The following ANO2 variants were observed in gnomAD, a reference collection of about 807,000 sequenced individuals.
ANO2 encodes anoctamin 2.
Under a neutral mutation model 124.2 loss-of-function variants are expected in ANO2, and 101 were observed. The ratio of observed to expected loss-of-function variants is 0.81; its 90% confidence interval spans 0.69 to 0.96. The LOEUF is 0.96. Among genes scored for constraint, ANO2 ranks in the 40% least tolerant of loss-of-function variants. The pLI, the probability that ANO2 is intolerant of heterozygous loss-of-function variation, is 0.00. For missense variants in ANO2, 1,293 were observed against 1,274.5 expected (o/e 1.01, Z -0.22); for synonymous variants, 486 against 482.5 (o/e 1.01, Z -0.09).
At chr12:5,761,684 A>G (rs907479671) in intron 10 of ANO2, among the ~76,000 whole-genome samples, 4 of 152,180 alleles carry the variant, frequency 2.6e-5, no homozygotes, top group African/African-American at 7.2e-5. Context: ...AGTTGGGCAT[A>G]GCGATAAATC....
rs140338674 is a variant in ANO2, at chr12:5,932,854, G to A, written c.23-10050C>T. ...GAAGCCCTCAGCTCTCCCTAGAGCT[G>A]TCAGGGAGGCTCCCAGAGGACACGG... On this transcript the variant is annotated intron_variant, in intron 1 of 24. Coordinates refer to ENST00000682330, the MANE Select transcript of ANO2 (RefSeq NM_001364791.2). Among the ~76,000 whole-genome samples the A allele has an allele frequency of 9.2e-5, 14 of 152,342 alleles. No individual in the cohort carries two copies. The East Asian group carries it at 1.7e-3, about 19-fold the overall frequency.
chr12:5,632,449 A>C (rs1945770378), intron 16 of ANO2, among the ~76,000 whole-genome samples: 1 of 152,032 alleles, frequency 6.6e-6, no homozygotes, highest in Admixed American at 6.6e-5. Flanking sequence ...TAAGTTTAAA[A>C]ATACTTTATG....
At chr12:5,757,908 T>C (rs7135396) in intron 10 of ANO2, among the ~76,000 whole-genome samples, 60 of 152,228 alleles carry the variant, frequency 3.9e-4, no homozygotes, top group Middle Eastern at 3.4e-3. Context: ...CAGAGTGTAA[T>C]AACTGGAAGC....
At chr12:5,722,394 C>A (rs1388207997) in intron 14 of ANO2, among the ~76,000 whole-genome samples, 5 of 152,118 alleles carry the variant, frequency 3.3e-5, no homozygotes, top group Non-Finnish European at 5.9e-5. Flanking sequence ...GTAGTCCCAG[C>A]TACTCAGGAG....
intron 4 of ANO2, among the ~76,000 whole-genome samples, chr12:5,853,735 G>T (rs1954995358): frequency 6.6e-6 from 1 of 152,054 alleles, no homozygotes; most frequent in African/African-American, 2.4e-5. Flanking sequence ...GCTGTACTAG[G>T]ACCCCGAGAA....
intron 10 of ANO2, among the ~76,000 whole-genome samples, chr12:5,792,330 G>A (rs1952721643): frequency 6.6e-6 from 1 of 152,182 alleles, no homozygotes; most frequent in Non-Finnish European, 1.5e-5. Flanking sequence ...TCTCCATTTT[G>A]TTCTGAGAAT....
Position 5,779,804 on chromosome 12 carries a change from T to C in ANO2, c.1055+19703A>G, listed in dbSNP as rs73048284. On this transcript the variant is annotated intron_variant, in intron 10 of 24. Coordinates refer to ENST00000682330, the MANE Select transcript of ANO2 (RefSeq NM_001364791.2). Reference sequence around the variant, plus strand: ...TGAGGAAACATCAGACAAAGCCAAATTGACAGACCTTCTATAAAATGATCC... The same window carrying C: ...TGAGGAAACATCAGACAAAGCCAAACTGACAGACCTTCTATAAAATGATCC... Among the ~76,000 whole-genome samples, 620 of 152,332 alleles carry C rather than the reference T, an allele frequency of 4.1e-3. 2 individuals carry two copies. The highest frequency in any genetic ancestry group is 6.7e-3 in the Non-Finnish European group (457 of 68,034).
chr12:5,864,148 A>G (rs941799843), intron 3 of ANO2, among the ~76,000 whole-genome samples: 3 of 152,222 alleles, frequency 2.0e-5, no homozygotes, highest in Non-Finnish European at 4.4e-5. Flanking sequence ...CATAAAAAAA[A>G]TCATAGCTGA....
chr12:5,804,383 C>G (rs1376380724), intron 9 of ANO2, among the ~76,000 whole-genome samples: 4 of 152,204 alleles, frequency 2.6e-5, no homozygotes, highest in Middle Eastern at 3.2e-3. Flanking sequence ...CACGAACATT[C>G]AGGGACATTA....
chr12:5,581,300 T>C (rs1005043075), intron 20 of ANO2, among the ~76,000 whole-genome samples: 1 of 152,120 alleles, frequency 6.6e-6, no homozygotes, highest in African/African-American at 2.4e-5. Flanking sequence ...CCAGCAGAAA[T>C]GTGCAAACTC....
chr12:5,824,137 A>T (rs1374866620), intron 7 of ANO2, among the ~76,000 whole-genome samples: 1 of 152,186 alleles, frequency 6.6e-6, no homozygotes, highest in East Asian at 1.9e-4. Context: ...GGTCCCTGAC[A>T]TGGCCTGGAG....
chr12:5,812,087 G>C (rs564978564), intron 7 of ANO2, among the ~76,000 whole-genome samples: 3 of 146,594 alleles, frequency 2.0e-5, no homozygotes, highest in African/African-American at 5.1e-5. Flanking sequence ...GGAGAGGAAG[G>C]GATGGGAGGG....
At chr12:5,699,968 T>G (rs544124604) in intron 14 of ANO2, among the ~76,000 whole-genome samples, 1 of 152,290 alleles carries the variant, frequency 6.6e-6, no homozygotes, top group South Asian at 2.1e-4. Flanking sequence ...CAAAAAGACT[T>G]AGACTCCCAC....
chr12:5,946,232 G>T, upstream of ANO2: 1 of 1,547,300 alleles, frequency 6.5e-7, no homozygotes, highest in African/African-American at 1.4e-5. The surrounding 1 kb of genome is among the most constrained non-coding windows in gnomAD (Gnocchi z 4.1). Context: ...AAGGAGCCTG[G>T]GGAAGCAAAG....
intron 14 of ANO2, among the ~76,000 whole-genome samples, chr12:5,702,713 C>T (rs1949454214): frequency 6.6e-6 from 1 of 152,106 alleles, no homozygotes; most frequent in African/African-American, 2.4e-5. Context: ...AATAGAATAG[C>T]TTTATGATCT....
Position 5,635,475 on chromosome 12 carries a change from G to A in ANO2, c.1621-128C>T. On this transcript the variant is annotated intron_variant, in intron 15 of 24. Transcript: ENST00000682330. The surrounding 1 kb of genome is among the most constrained non-coding windows in gnomAD (Gnocchi z 5.2). ...TCTGGAATCTTTTGTTGGGTAACAAGGGATTCCAGATATTATTAGTCTGGA... is the reference window on the plus strand; with the variant it reads ...TCTGGAATCTTTTGTTGGGTAACAAAGGATTCCAGATATTATTAGTCTGGA... 1 of 805,826 alleles carries A rather than the reference G, an allele frequency of 1.2e-6. No individual in the cohort carries two copies. The allele number at this position is 805,826 out of a possible 1,614,324, so 49.9% of individuals were successfully genotyped here. A position where few individuals can be genotyped will look rare whatever the true frequency, so the allele number is the denominator to read the frequency against.
chr12:5,833,764 GC>G (rs1274977748), intron 4 of ANO2, among the ~76,000 whole-genome samples: 3 of 97,032 alleles, frequency 3.1e-5, no homozygotes, highest in Non-Finnish European at 8.5e-5. Context: ...AGAATCTAAT[GC>G]CTGATGATCT....
chr12:5,923,269 C>CACAT (rs1941920145), intron 1 of ANO2, among the ~76,000 whole-genome samples: 1 of 138,050 alleles, frequency 7.2e-6, no homozygotes, highest in Non-Finnish European at 1.6e-5. Flanking sequence ...CACACACACA[C>CACAT]ACACACACAC....
At chr12:5,735,295 T>G (rs571168837) in intron 13 of ANO2, among the ~76,000 whole-genome samples, 8 of 152,110 alleles carry the variant, frequency 5.3e-5, no homozygotes, top group African/African-American at 1.7e-4. Flanking sequence ...CTCTGGGAAC[T>G]GTTTCCACGT....
Sources: gnomAD v4.1 joint callset for allele counts (sites outside exome capture counted in the v4.1 genomes callset) on GRCh38, gnomAD v4.1.1 for gene constraint, Gnocchi (gnomAD v3.1) non-coding constraint, MANE v1.5 for transcripts, NCBI Gene and HGNC (gene_info 2026-07-23, HGNC 2026-07-21) for gene names.